NARS2: variants seen among roughly 807,000 people sequenced by gnomAD.
NARS2 encodes the protein asparaginyl-tRNA synthetase.
NARS2 carries 60 observed loss-of-function variants against 62.9 expected under a neutral mutation model. The observed-to-expected ratio is 0.95, with a 90% CI of 0.77 to 1.18. NARS2 has a LOEUF of 1.18. Among genes scored for constraint, NARS2 ranks in the 50% most tolerant of loss-of-function variants. The pLI, the probability that NARS2 is intolerant of heterozygous loss-of-function variation, is 0.00. For missense variants in NARS2, 619 were observed against 576.4 expected (o/e 1.07, Z -0.76); for synonymous variants, 196 against 200.0 (o/e 0.98, Z 0.17).
intron 4 of NARS2, among the ~76,000 whole-genome samples, chr11:78,563,299 C>T (rs530651125): frequency 3.5e-4 from 51 of 144,800 alleles, no homozygotes; most frequent in Admixed American, 1.2e-3. Flanking sequence ...TTCACTGCAA[C>T]CTCCGCCTCC....
chr11:78,444,446 T>C (rs140401776), intron 11 of NARS2, among the ~76,000 whole-genome samples: 1 of 152,116 alleles, frequency 6.6e-6, no homozygotes, highest in South Asian at 2.1e-4. Flanking sequence ...CTGGGCACAG[T>C]AGCTCACACC....
chr11:78,520,094 T>C (rs1044020938), intron 6 of NARS2, among the ~76,000 whole-genome samples: 1 of 152,228 alleles, frequency 6.6e-6, no homozygotes, highest in African/African-American at 2.4e-5. Flanking sequence ...ACGACTCATA[T>C]ACTCTTAAAG....
At chr11:78,483,087 A>G (rs996739214) in intron 7 of NARS2, among the ~76,000 whole-genome samples, 2 of 152,204 alleles carry the variant, frequency 1.3e-5, no homozygotes, top group African/African-American at 4.8e-5. Flanking sequence ...GGTTCAACAT[A>G]CACAAATCAA....
chr11:78,568,235 T>A (rs529262796), intron 3 of NARS2, among the ~76,000 whole-genome samples: 56 of 152,364 alleles, frequency 3.7e-4, no homozygotes, highest in Non-Finnish European at 6.2e-4. Context: ...TGGATTTTTT[T>A]AATGAATTTT....
intron 5 of NARS2, among the ~76,000 whole-genome samples, chr11:78,539,806 T>A (rs1855542896): frequency 6.6e-6 from 1 of 152,234 alleles, no homozygotes; most frequent in African/African-American, 2.4e-5. Context: ...CCTGCGTAAC[T>A]AAGCCTTTTC....
chr11:78,491,204 C>T (rs985445986), intron 7 of NARS2, among the ~76,000 whole-genome samples: 3 of 152,216 alleles, frequency 2.0e-5, no homozygotes, highest in Non-Finnish European at 4.4e-5. Context: ...GAGAAGGTGG[C>T]TGTGCACTTT....
At chr11:78,517,987 C>G (rs1051051181) in intron 6 of NARS2, among the ~76,000 whole-genome samples, 2 of 152,120 alleles carry the variant, frequency 1.3e-5, no homozygotes, top group Non-Finnish European at 2.9e-5. Context: ...ATATAATTTC[C>G]ATGAAGTAAA....
intron 5 of NARS2, among the ~76,000 whole-genome samples, chr11:78,548,562 T>G (rs772847333): frequency 2.0e-5 from 3 of 152,236 alleles, no homozygotes; most frequent in Non-Finnish European, 4.4e-5. Flanking sequence ...TTCTGCACAC[T>G]GTTTTACCTA....
chr11:78,569,580 A>G (rs948932616), intron 2 of NARS2, among the ~76,000 whole-genome samples: 5 of 152,216 alleles, frequency 3.3e-5, no homozygotes, highest in Non-Finnish European at 7.3e-5. Flanking sequence ...AAGTCAGGAG[A>G]TTCTCCATCC....
Position 78,469,328 on chromosome 11 carries a change from G to T in NARS2, c.960-15C>A. 6.2e-7 allele frequency: 1 copy of T among 1,605,340 alleles called. No individual in the cohort carries two copies. Among genetic ancestry groups the T allele is most frequent in the Non-Finnish European group, 8.5e-7 (1 of 1,172,276 alleles). ...TATAAGAAATGCTGGAGGAAAACAGGATACAAGCAGAGAAAAGTCAATACA... is the reference window on the plus strand; with the variant it reads ...TATAAGAAATGCTGGAGGAAAACAGTATACAAGCAGAGAAAAGTCAATACA... On this transcript the variant is annotated splice_polypyrimidine_tract_variant and intron_variant, in intron 9 of 13. Transcript: ENST00000281038.
chr11:78,437,707 T>C (rs1857451053), intron 13 of NARS2, among the ~76,000 whole-genome samples: 2 of 152,162 alleles, frequency 1.3e-5, no homozygotes, highest in African/African-American at 2.4e-5. Context: ...CCGGGTGTGG[T>C]GGCTCATGCC....
At chr11:78,552,169 C>T (rs1274489933) in intron 5 of NARS2, among the ~76,000 whole-genome samples, 1 of 152,166 alleles carries the variant, frequency 6.6e-6, no homozygotes, top group Non-Finnish European at 1.5e-5. Flanking sequence ...AGGAAGACAC[C>T]AGTGTCTGTT....
chr11:78,533,680 G>A (rs187109423), intron 5 of NARS2, among the ~76,000 whole-genome samples: 1 of 152,300 alleles, frequency 6.6e-6, no homozygotes, highest in East Asian at 1.9e-4. Flanking sequence ...GAGTGTCAGA[G>A]CATATCACTC....
intron 1 of NARS2, 119 bp from the exon 2 acceptor site, chr11:78,571,563 CTTCT>C (rs1299243769): frequency 1.4e-5 from 9 of 654,284 alleles, no homozygotes; most frequent in East Asian, 5.4e-5. Flanking sequence ...AACAAATCAA[CTTCT>C]TTTAGTTCAC....
intron 6 of NARS2, among the ~76,000 whole-genome samples, chr11:78,513,472 C>T (rs950517900): frequency 6.6e-6 from 1 of 151,640 alleles, no homozygotes; most frequent in Non-Finnish European, 1.5e-5. Context: ...ATTTTCAGAT[C>T]CCACAAATAA....
At chr11:78,461,719 G>C (rs1190606674) in intron 11 of NARS2, among the ~76,000 whole-genome samples, 3 of 150,534 alleles carry the variant, frequency 2.0e-5, no homozygotes, top group Admixed American at 2.0e-4. Context: ...GGCTGAGGCG[G>C]ATGGACTGCC....
At chr11:78,466,364 A>AT (rs1858622938) in intron 10 of NARS2, among the ~76,000 whole-genome samples, 1 of 151,856 alleles carries the variant, frequency 6.6e-6, no homozygotes, top group African/African-American at 2.4e-5. Flanking sequence ...CAGAATCACA[A>AT]TTTTTAATAG....
chr11:78,520,831 G>A (rs1183116064), intron 6 of NARS2, among the ~76,000 whole-genome samples: 1 of 152,066 alleles, frequency 6.6e-6, no homozygotes, highest in Admixed American at 6.5e-5. Flanking sequence ...CGAGGCGGGT[G>A]GATCACCTGA....
At chr11:78,520,649 T>C (rs1472110401) in intron 6 of NARS2, among the ~76,000 whole-genome samples, 3 of 152,170 alleles carry the variant, frequency 2.0e-5, no homozygotes, top group Admixed American at 6.5e-5. Flanking sequence ...CTAAGCTATA[T>C]ATGGGGTTTT....
Sources: allele counts gnomAD v4.1 joint callset (sites outside exome capture counted in the v4.1 genomes callset), GRCh38; gene constraint gnomAD v4.1.1; transcripts MANE v1.5; gene names NCBI Gene and HGNC (gene_info 2026-07-23, HGNC 2026-07-21).